Variants in DLGAP4 observed in about 807,000 individuals in gnomAD.
The protein encoded by DLGAP4 is DLG associated protein 4, also known as disks large-associated protein 4.
Under a neutral mutation model 86.9 loss-of-function variants are expected in DLGAP4, and 18 were observed. The observed-to-expected ratio is 0.21, with a 90% CI of 0.14 to 0.31. DLGAP4 has a LOEUF of 0.31. Among genes scored for constraint, DLGAP4 ranks in the 10% least tolerant of loss-of-function variants. DLGAP4 has a pLI of 1.00. For missense variants in DLGAP4, 1,085 were observed against 1,362.6 expected (o/e 0.80, Z 3.21); for synonymous variants, 548 against 574.3 (o/e 0.95, Z 0.65).
At chr20:36,360,840 A>G (rs1379453015) in intron 1 of DLGAP4, among the ~76,000 whole-genome samples, 8 of 151,814 alleles carry the variant, frequency 5.3e-5, no homozygotes, top group East Asian at 1.9e-4. Flanking sequence ...TCATGGTGTC[A>G]TCAGGGCAGG....
At chr20:36,433,867 G>C (rs988599767) in intron 3 of DLGAP4, among the ~76,000 whole-genome samples, 2 of 151,896 alleles carry the variant, frequency 1.3e-5, no homozygotes, top group Non-Finnish European at 2.9e-5. Context: ...TGGCCAGACT[G>C]GTTTTGAACT....
At chr20:36,373,851 A>G (rs1271095611) in intron 2 of DLGAP4, among the ~76,000 whole-genome samples, 2 of 152,124 alleles carry the variant, frequency 1.3e-5, no homozygotes, top group African/African-American at 4.8e-5. Context: ...AGCCTGGCCA[A>G]CATGGGGAAA....
chr20:36,446,546 C>T (rs530147992), intron 6 of DLGAP4, 151 bp from the exon 7 acceptor site: 17 of 685,830 alleles, frequency 2.5e-5, no homozygotes, highest in Non-Finnish European at 3.9e-5. Flanking sequence ...GCTCCATCTC[C>T]CCATCCCATA....
chr20:36,417,502 C>T (rs1158578335), intron 2 of DLGAP4, among the ~76,000 whole-genome samples: 1 of 152,130 alleles, frequency 6.6e-6, no homozygotes, highest in African/African-American at 2.4e-5. Context: ...CCGTCACAGC[C>T]TCCCAAGTCA....
intron 3 of DLGAP4, 60 bp from the exon 4 acceptor site, chr20:36,436,049 G>T: frequency 1.3e-6 from 2 of 1,484,074 alleles, no homozygotes; most frequent in East Asian, 2.4e-5. Flanking sequence ...GGAGATGGGG[G>T]TTCTCGCCAT....
intron 1 of DLGAP4, among the ~76,000 whole-genome samples, chr20:36,326,882 G>T (rs1361772793): frequency 6.7e-6 from 1 of 149,946 alleles, no homozygotes; most frequent in Non-Finnish European, 1.5e-5. Flanking sequence ...TTTTAAAGTT[G>T]TTCCACTGTC....
At chr20:36,315,651 G>A (rs1275607124) in intron 1 of DLGAP4, among the ~76,000 whole-genome samples, 1 of 152,132 alleles carries the variant, frequency 6.6e-6, no homozygotes, top group Non-Finnish European at 1.5e-5. Flanking sequence ...AGGCCCTGCA[G>A]CAAGTAAGAG....
At chr20:36,453,911 C>T (rs550617666) in intron 7 of DLGAP4, among the ~76,000 whole-genome samples, 2 of 115,570 alleles carry the variant, frequency 1.7e-5, no homozygotes, top group Admixed American at 1.2e-4. Context: ...CCAGACTGGG[C>T]GAAAAGAGTG....
At chr20:36,441,117 C>A (rs1041534107) in intron 5 of DLGAP4, among the ~76,000 whole-genome samples, 42 of 152,154 alleles carry the variant, frequency 2.8e-4, no homozygotes, top group African/African-American at 8.5e-4. Flanking sequence ...CAGAGCCACA[C>A]CCCTGCTCCA....
intron 1 of DLGAP4, among the ~76,000 whole-genome samples, chr20:36,326,546 A>C (rs1383950373): frequency 6.6e-6 from 1 of 152,174 alleles, no homozygotes; most frequent in African/African-American, 2.4e-5. Flanking sequence ...TATATGTGTA[A>C]TAAGCACAAC....
rs949034690 is a variant in DLGAP4, at chr20:36,392,836, C to T, written c.-73+25561C>T. Among the ~76,000 whole-genome samples the T allele has an allele frequency of 1.4e-4, 22 of 152,248 alleles. No individual in the cohort carries two copies. The East Asian group carries it at 1.5e-3, about 11-fold the overall frequency. On this transcript the variant is annotated intron_variant, in intron 2 of 12. Transcript: ENST00000339266. ...AGAGATAGACAATAAGTAAAATAAA[C>T]GAACAGATGCTGTGCTCCTGGGTGA...
chr20:36,449,448 C>G (rs1360640892), intron 7 of DLGAP4, among the ~76,000 whole-genome samples: 1 of 152,202 alleles, frequency 6.6e-6, no homozygotes, highest in East Asian at 1.9e-4. Flanking sequence ...CCCGCTACAG[C>G]CTTCCTTCTA....
At chr20:36,359,180 C>G (rs1178885931) in intron 1 of DLGAP4, among the ~76,000 whole-genome samples, 1 of 152,110 alleles carries the variant, frequency 6.6e-6, no homozygotes, top group East Asian at 1.9e-4. Flanking sequence ...AGTGCAGTGG[C>G]ACGATCTCGG....
At chr20:36,479,895 A>T (rs1389637690) in intron 7 of DLGAP4, among the ~76,000 whole-genome samples, 1 of 152,108 alleles carries the variant, frequency 6.6e-6, no homozygotes, top group Non-Finnish European at 1.5e-5. Context: ...AGCTTCTGGC[A>T]TGCAGAGTCC....
At chr20:36,401,519 T>C (rs558881753) in intron 2 of DLGAP4, among the ~76,000 whole-genome samples, 2 of 152,348 alleles carry the variant, frequency 1.3e-5, no homozygotes, top group African/African-American at 2.4e-5. Flanking sequence ...GTTTGCAACA[T>C]TGCCCTTCCT....
At chr20:36,329,611 G>A (rs1463215008) in intron 1 of DLGAP4, among the ~76,000 whole-genome samples, 2 of 152,106 alleles carry the variant, frequency 1.3e-5, no homozygotes, top group Non-Finnish European at 1.5e-5. Context: ...AAATAAAAAG[G>A]CTGAGCCGGA....
chr20:36,442,685 A>C (rs2147568094), intron 5 of DLGAP4, 42 bp from the exon 6 acceptor site: 5 of 1,587,550 alleles, frequency 3.1e-6, no homozygotes, highest in Non-Finnish European at 3.5e-6. Flanking sequence ...CCCCAGCCCC[A>C]GCCCTGGTCC....
chr20:36,466,047 A>G (rs951412441), intron 7 of DLGAP4, among the ~76,000 whole-genome samples: 2 of 151,852 alleles, frequency 1.3e-5, no homozygotes, highest in African/African-American at 4.8e-5. Flanking sequence ...TCATATATAA[A>G]ATTTGGGTTT....
chr20:36,355,969 A>G (rs182727352), intron 1 of DLGAP4, among the ~76,000 whole-genome samples: 3 of 152,366 alleles, frequency 2.0e-5, no homozygotes, highest in Admixed American at 1.3e-4. Context: ...GGCTAGGCCA[A>G]TCAGTGTGTT....
Sources: allele counts gnomAD v4.1 joint callset (sites outside exome capture counted in the v4.1 genomes callset), GRCh38; gene constraint gnomAD v4.1.1; transcripts MANE v1.5; gene names NCBI Gene and HGNC (gene_info 2026-07-23, HGNC 2026-07-21).